Variants in SHB observed in about 807,000 individuals in gnomAD.
SHB encodes SH2 domain containing adaptor protein B.
SHB carries 20 observed loss-of-function variants against 52.3 expected under a neutral mutation model. That is an observed-to-expected ratio of 0.38 (90% CI 0.27 to 0.56). The LOEUF (loss-of-function observed/expected upper bound fraction) is 0.56, where lower values mean the gene tolerates loss of function less well. Ranked by LOEUF, SHB falls within the 20% of genes least tolerant of loss-of-function variation. SHB has a pLI of 0.71. For synonymous variants in SHB, 397 were observed against 316.5 expected, an observed-to-expected ratio of 1.25 and a Z score of -2.70; for missense variants, 825 against 723.3, an observed-to-expected ratio of 1.14 and a Z score of -1.61.
intron 4 of SHB, among the ~76,000 whole-genome samples, chr9:37,951,083 C>CA (rs1832561387): frequency 6.6e-6 from 1 of 152,190 alleles, no homozygotes; most frequent in African/African-American, 2.4e-5. Context: ...CAGTTAGTAG[C>CA]AGTGGCCACA....
chr9:37,974,780 G>T lies in SHB; in HGVS notation c.896C>A (p.Thr299Asn). ...SQHKGIQLYDTPYEPEGQSVD... is the reference protein window; with the variant it reads ...SQHKGIQLYDNPYEPEGQSVD... ...ACTTTGGCCTTCAGGTTCGTAAGGGGTGTCATATAACTGGATACCTTTATG... is the reference window on the plus strand; with the variant it reads ...ACTTTGGCCTTCAGGTTCGTAAGGGTTGTCATATAACTGGATACCTTTATG... Residue 299 changes from threonine to asparagine, a missense_variant, in exon 3 of 6, where the codon ACC (threonine) becomes AAC (asparagine). By Grantham distance (65) the Thr-to-Asn change is moderately conservative. Coordinates refer to ENST00000377707, the MANE Select transcript of SHB (RefSeq NM_003028.3). 2 of 1,614,102 alleles carry T rather than the reference G, an allele frequency of 1.2e-6. No homozygotes were observed. Among genetic ancestry groups the T allele is most frequent in the East Asian group, 2.2e-5 (1 of 44,880 alleles).
intron 1 of SHB, among the ~76,000 whole-genome samples, chr9:38,049,893 G>A (rs1006365981): frequency 5.3e-5 from 8 of 151,328 alleles, no homozygotes; most frequent in East Asian, 2.0e-4. Flanking sequence ...TCCGCCTCCC[G>A]GATTCAAGTG....
intron 5 of SHB, among the ~76,000 whole-genome samples, chr9:37,930,635 CA>C (rs1431435038): frequency 6.6e-6 from 1 of 152,148 alleles, no homozygotes; most frequent in Non-Finnish European, 1.5e-5. Context: ...TCACTATCCA[CA>C]AAGCACCTTA....
chr9:38,003,381 AC>A (rs1469533311), intron 2 of SHB, among the ~76,000 whole-genome samples: 2 of 151,384 alleles, frequency 1.3e-5, no homozygotes, highest in East Asian at 3.9e-4. Flanking sequence ...CGCTTCCACC[AC>A]CCTTCCCACC....
At chr9:37,973,543 C>G (rs1159069186) in intron 3 of SHB, among the ~76,000 whole-genome samples, 1 of 152,172 alleles carries the variant, frequency 6.6e-6, no homozygotes. Flanking sequence ...TTTATCATAA[C>G]TTTGGCACAG....
intron 1 of SHB, among the ~76,000 whole-genome samples, chr9:38,060,228 G>A (rs1023747452): frequency 1.3e-5 from 2 of 152,142 alleles, no homozygotes; most frequent in African/African-American, 4.8e-5. Context: ...AGGCTGGAGT[G>A]CAGTGGCCTG....
At chr9:38,030,622 C>G (rs1014289731) in intron 1 of SHB, among the ~76,000 whole-genome samples, 7 of 152,148 alleles carry the variant, frequency 4.6e-5, no homozygotes, top group African/African-American at 1.7e-4. Flanking sequence ...TGTGCAGTCG[C>G]AAAAGGCCCC....
intron 5 of SHB, among the ~76,000 whole-genome samples, chr9:37,931,859 T>C (rs1015948302): frequency 6.6e-6 from 1 of 152,136 alleles, no homozygotes; most frequent in African/African-American, 2.4e-5. Context: ...CAAGGATGAA[T>C]GGATAAAGAA....
At chr9:38,012,151 C>T (rs1325035247) in intron 2 of SHB, among the ~76,000 whole-genome samples, 1 of 152,174 alleles carries the variant, frequency 6.6e-6, no homozygotes, top group Non-Finnish European at 1.5e-5. Context: ...CTCCCCACCA[C>T]CTGCTGCATG....
chr9:38,012,371 T>C (rs1343782361), intron 2 of SHB, among the ~76,000 whole-genome samples: 1 of 152,176 alleles, frequency 6.6e-6, no homozygotes, highest in Non-Finnish European at 1.5e-5. Flanking sequence ...AACCTCTCTG[T>C]GCCTTGGTTT....
At chr9:37,971,106 C>CATTTCTGACAGGTACTATGCTAAGG (rs1450652976) in intron 3 of SHB, among the ~76,000 whole-genome samples, 1 of 152,130 alleles carries the variant, frequency 6.6e-6, no homozygotes, top group Non-Finnish European at 1.5e-5. Context: ...CTGCACAGGG[C>CATTTCTGACAGGTACTATGCTAAGG]ATTTCTGACA....
chr9:37,936,715 T>G (rs955198653), intron 5 of SHB: 1 of 152,182 alleles, frequency 6.6e-6, no homozygotes, highest in Non-Finnish European at 1.5e-5. Flanking sequence ...CTGGGGGGTT[T>G]CTAGTAAAAA....
At chr9:37,967,365 A>G (rs1820539067) in intron 3 of SHB, among the ~76,000 whole-genome samples, 4 of 152,184 alleles carry the variant, frequency 2.6e-5, no homozygotes, top group Non-Finnish European at 5.9e-5. Context: ...TCATTTGATG[A>G]GGCTTTGAAG....
intron 5 of SHB, among the ~76,000 whole-genome samples, chr9:37,944,248 G>C (rs1215320585): frequency 6.6e-6 from 1 of 152,182 alleles, no homozygotes; most frequent in Non-Finnish European, 1.5e-5. Flanking sequence ...GTGGGTCACT[G>C]CAAGTGCAGA....
intron 1 of SHB, among the ~76,000 whole-genome samples, chr9:38,033,004 T>C (rs1337142808): frequency 6.6e-6 from 1 of 152,198 alleles, no homozygotes; most frequent in Non-Finnish European, 1.5e-5. Flanking sequence ...CAAACATGAC[T>C]GTAAAGAAAA....
chr9:37,979,233 T>G (rs1001276884), intron 2 of SHB, among the ~76,000 whole-genome samples: 5 of 152,268 alleles, frequency 3.3e-5, no homozygotes, highest in Admixed American at 6.5e-5. Flanking sequence ...GGTGGCAGTC[T>G]GTAATTTCAT....
intron 2 of SHB, 146 bp from the exon 3 acceptor site, chr9:37,974,983 C>A (rs1820638268): frequency 2.9e-6 from 2 of 700,666 alleles, no homozygotes; most frequent in Non-Finnish European, 5.0e-6. Context: ...GTTTTACCCA[C>A]CCCACCAACC....
At chr9:37,920,965 G>T (rs141234209) in intron 5 of SHB, among the ~76,000 whole-genome samples, 44 of 152,158 alleles carry the variant, frequency 2.9e-4, no homozygotes, top group African/African-American at 1.0e-3. Context: ...GCTCACGAGG[G>T]CCAAAGCCAC....
chr9:37,947,970 T>G (rs1012420920), intron 5 of SHB, among the ~76,000 whole-genome samples: 1 of 152,226 alleles, frequency 6.6e-6, no homozygotes, highest in Non-Finnish European at 1.5e-5. Context: ...TTGGGTCCCG[T>G]CCAGCAATAG....
Sources: allele counts gnomAD v4.1 joint callset (sites outside exome capture counted in the v4.1 genomes callset), GRCh38; gene constraint gnomAD v4.1.1; transcripts MANE v1.5; gene names NCBI Gene and HGNC (gene_info 2026-07-23, HGNC 2026-07-21).